The following PCDHA11 variants were observed in gnomAD, a reference collection of about 807,000 sequenced individuals.
The protein encoded by PCDHA11 is protocadherin alpha 11.
PCDHA11 carries 61 observed loss-of-function variants against 70.3 expected under a neutral mutation model. The ratio of observed to expected loss-of-function variants is 0.87; its 90% CI spans 0.71 to 1.07. The LOEUF is 1.07. Ranked by LOEUF, PCDHA11 falls within the 50% of genes least tolerant of loss-of-function variation. The probability of loss-of-function intolerance (pLI) is 0.00; values close to 1 mark genes in which losing one functional copy is unlikely to be tolerated. For missense variants in PCDHA11, 1,324 were observed against 1,237.5 expected (o/e 1.07, Z -1.05); for synonymous variants, 633 against 555.1 (o/e 1.14, Z -1.97).
At chr5:140,968,862 G>C (rs375652776) in intron 1 of PCDHA11, 3 of 1,614,126 alleles carry the variant, frequency 1.9e-6, no homozygotes, top group Middle Eastern at 1.7e-4. Context: ...AAGAGCCCTC[G>C]GACATACTCT....
In PCDHA11 at chr5:140,871,277, C is replaced by T. The variant is rs1187011496; in HGVS notation, c.2174C>T (p.Thr725Met). The change falls in exon 1 of 4, where the codon ACG (threonine) becomes ATG (methionine). Residue 725 changes from threonine (T) to methionine (M), a missense_variant. By Grantham distance (81) the Thr-to-Met change is moderately conservative. Transcript: ENST00000398640. ...LLYTALWWSATPTEGACAPGK... is the reference protein window; with the variant it reads ...LLYTALWWSAMPTEGACAPGK... ...TATACGGCGCTGTGGTGGTCGGCAA[C>T]GCCCACTGAGGGCGCGTGCGCGCCG... 9.3e-6 allele frequency: 15 copies of T among 1,613,782 alleles called. No homozygotes were observed. The highest frequency in any genetic ancestry group is 6.7e-5 in the Admixed American group (4 of 59,996).
chr5:140,912,445 A>C (rs1165607499), intron 1 of PCDHA11, among the ~76,000 whole-genome samples: 1 of 151,772 alleles, frequency 6.6e-6, no homozygotes, highest in African/African-American at 2.4e-5. Flanking sequence ...ATTTGTGTGC[A>C]TTGATTTTGT....
intron 1 of PCDHA11, among the ~76,000 whole-genome samples, chr5:140,950,372 C>G (rs1369892292): frequency 1.3e-5 from 2 of 151,918 alleles, no homozygotes; most frequent in African/African-American, 4.8e-5. Context: ...ATCTATTTAT[C>G]TTCCATTTGA....
At chr5:140,882,050 T>TA (rs1260382802) in intron 1 of PCDHA11, 7 of 756,632 alleles carry the variant, frequency 9.3e-6, no homozygotes, top group African/African-American at 3.5e-5. Context: ...GAGTCATACT[T>TA]ACACTTACAC....
intron 1 of PCDHA11, chr5:140,876,243 C>A: frequency 6.2e-7 from 1 of 1,613,948 alleles, no homozygotes; most frequent in Non-Finnish European, 8.5e-7. Context: ...ATGTCCAAAA[C>A]GACACAAGAG....
chr5:140,973,199 G>A (rs574187280), intron 1 of PCDHA11, among the ~76,000 whole-genome samples: 3 of 152,296 alleles, frequency 2.0e-5, no homozygotes, highest in East Asian at 3.9e-4. Context: ...CACTATGTGT[G>A]CATATTCACC....
chr5:140,950,668 T>C (rs185130303), intron 1 of PCDHA11, among the ~76,000 whole-genome samples: 5 of 152,238 alleles, frequency 3.3e-5, no homozygotes, highest in African/African-American at 9.6e-5. Flanking sequence ...TTATCAAACA[T>C]GTACATGTAT....
intron 1 of PCDHA11, chr5:140,876,833 C>A: frequency 1.2e-6 from 2 of 1,614,176 alleles, no homozygotes; most frequent in Admixed American, 1.7e-5. Flanking sequence ...AATGCGCCTG[C>A]GTTCGCGCAG....
chr5:140,889,241 T>C (rs987868473), intron 1 of PCDHA11, among the ~76,000 whole-genome samples: 120 of 151,950 alleles, frequency 7.9e-4, no homozygotes, highest in African/African-American at 2.7e-3. Context: ...TCCAGAAAAT[T>C]TTCTGTTTCC....
At chr5:140,911,189 A>T (rs1369810973) in intron 1 of PCDHA11, among the ~76,000 whole-genome samples, 1 of 152,126 alleles carries the variant, frequency 6.6e-6, no homozygotes, top group African/African-American at 2.4e-5. Flanking sequence ...TGGGTTGGGG[A>T]GGACATGTTG....
rs79831933 is a variant in PCDHA11, at chr5:140,933,507, A to G, written c.2392-45442A>G. ...TATTCTTTAGAATTGTTAAGCAAAG[A>G]CTACAGCTGTTTTGTTTAAACTCAA... On this transcript the variant is annotated intron_variant, in intron 1 of 3. Transcript: ENST00000398640. 5.9e-3 allele frequency among the ~76,000 whole-genome samples: 898 copies of G among 152,170 alleles called. 13 individuals carry two copies. Among genetic ancestry groups the G allele is most frequent in the African/African-American group, 0.02 (841 of 41,572 alleles).
chr5:140,884,604 G>A lies in PCDHA11; in HGVS notation c.2391+13110G>A. The A allele has an allele frequency of 1.2e-6, 2 of 1,614,140 alleles. 1 individual carries two copies. Among genetic ancestry groups the A allele is most frequent in the Middle Eastern group, 3.3e-4 (2 of 6,062 alleles). On this transcript the variant is annotated intron_variant, in intron 1 of 3. Coordinates refer to ENST00000398640, the MANE Select transcript of PCDHA11 (RefSeq NM_018902.5). Reference sequence around the variant, plus strand: ...GCCTTCAGTCCCAGCCTTCCTCCTTGTCTGGGTTCTGCAGAGGGAACAGGC... The same window carrying A: ...GCCTTCAGTCCCAGCCTTCCTCCTTATCTGGGTTCTGCAGAGGGAACAGGC...
intron 3 of PCDHA11, among the ~76,000 whole-genome samples, chr5:140,998,919 A>G (rs781864069): frequency 6.6e-6 from 1 of 152,248 alleles, no homozygotes; most frequent in Non-Finnish European, 1.5e-5. Flanking sequence ...TAGCTATTAT[A>G]TCCATTTTAC....
At chr5:140,911,249 C>T (rs782367621) in intron 1 of PCDHA11, among the ~76,000 whole-genome samples, 4 of 152,152 alleles carry the variant, frequency 2.6e-5, no homozygotes, top group African/African-American at 4.8e-5. Context: ...AAAGTTTCAT[C>T]AGAATTTATA....
chr5:140,935,566 T>A (rs2090441028), intron 1 of PCDHA11, among the ~76,000 whole-genome samples: 1 of 152,246 alleles, frequency 6.6e-6, no homozygotes, highest in Non-Finnish European at 1.5e-5. Context: ...AAAGTTCCTC[T>A]CTGTGTAGTT....
At chr5:140,916,399 C>G (rs1421171065) in intron 1 of PCDHA11, among the ~76,000 whole-genome samples, 2 of 152,168 alleles carry the variant, frequency 1.3e-5, no homozygotes, top group African/African-American at 4.8e-5. Context: ...TGTGCTGGAT[C>G]ACACCTGAAG....
Position 140,883,273 on chromosome 5 carries a change from C to A in PCDHA11, c.2391+11779C>A, listed in dbSNP as rs370482487. Reference sequence around the variant, plus strand: ...ATATTCCAATGGCGGGTCATTGTACCCTTTTGGTGGAAGTACTAGATGTAA... The same window carrying A: ...ATATTCCAATGGCGGGTCATTGTACACTTTTGGTGGAAGTACTAGATGTAA... On this transcript the variant is annotated intron_variant, in intron 1 of 3. Transcript: ENST00000398640. 10 of 1,613,676 alleles carry A rather than the reference C, an allele frequency of 6.2e-6. No homozygotes were observed. The Middle Eastern group carries it at 6.6e-4, about 106-fold the overall frequency.
intron 1 of PCDHA11, among the ~76,000 whole-genome samples, chr5:140,931,344 A>G (rs1233861770): frequency 6.6e-6 from 1 of 151,910 alleles, no homozygotes; most frequent in East Asian, 1.9e-4. Flanking sequence ...GGAGTGAGGA[A>G]TTTTTTTTAG....
At chr5:140,880,242 G>A (rs549683370) in intron 1 of PCDHA11, among the ~76,000 whole-genome samples, 22 of 150,572 alleles carry the variant, frequency 1.5e-4, no homozygotes, top group Admixed American at 7.2e-4. Context: ...GTGTATGTGC[G>A]TGTGTGTATG....
Sources: gnomAD v4.1 joint callset for allele counts (sites outside exome capture counted in the v4.1 genomes callset) on GRCh38, gnomAD v4.1.1 for gene constraint, MANE v1.5 for transcripts, NCBI Gene and HGNC (gene_info 2026-07-23, HGNC 2026-07-21) for gene names.